The following STON2 variants were observed in gnomAD, a reference collection of about 807,000 sequenced individuals.
STON2 encodes the protein stonin 2.
STON2 carries 29 observed loss-of-function variants against 65.7 expected under a neutral mutation model. That is an observed-to-expected ratio of 0.44 (90% CI 0.33 to 0.60). The LOEUF (loss-of-function observed/expected upper bound fraction) is 0.60, where lower values mean the gene tolerates loss of function less well. Among genes scored for constraint, STON2 ranks in the 20% least tolerant of loss-of-function variants. The probability of loss-of-function intolerance (pLI) is 0.03; values close to 1 mark genes in which losing one functional copy is unlikely to be tolerated. For missense variants in STON2, 1,054 were observed against 1,118.1 expected, an observed-to-expected ratio of 0.94 and a Z score of 0.82; for synonymous variants, 404 against 414.2, an observed-to-expected ratio of 0.98 and a Z score of 0.30.
In STON2 at chr14:81,264,706, A is replaced by T. The variant is rs1894288539; in HGVS notation, c.*3708T>A. 3 of 985,298 alleles carry T rather than the reference A, an allele frequency of 3.0e-6. No individual in the cohort carries two copies. The South Asian group carries it at 1.4e-4, about 46-fold the overall frequency. 61.0% of individuals were successfully genotyped at this position (985,298 alleles called of 1,614,324 possible). On this transcript the variant is annotated 3_prime_UTR_variant, in exon 8 of 8. Transcript: ENST00000614646. ...GTTCTCAAGGATTATGAACCCTGCC[A>T]ATAATGCAGGAAGGCACAGTAAGGG...
At chr14:81,306,171 A>C (rs11846610) in intron 5 of STON2, among the ~76,000 whole-genome samples, 41,547 of 90,854 alleles carry the variant, frequency 0.46, 6,785 homozygotes, top group East Asian at 0.55. Flanking sequence ...CTCTCTCTAT[A>C]TATATATATA....
intron 2 of STON2, among the ~76,000 whole-genome samples, chr14:81,413,658 T>C (rs1901279521): frequency 7.2e-6 from 1 of 138,136 alleles, no homozygotes; most frequent in South Asian, 2.4e-4. Context: ...TAGCCTGGCA[T>C]GGTGGCGTTT....
Position 81,282,516 on chromosome 14 carries a change from C to T in STON2, c.743-3777G>A, listed in dbSNP as rs144351512. Among the ~76,000 whole-genome samples the T allele has an allele frequency of 9.6e-3, 1,462 of 152,236 alleles. 27 individuals carry two copies. The highest frequency in any genetic ancestry group is 0.034 in the African/African-American group (1,407 of 41,530). ...GCTGTTCTTAGTACTACTGCTACTA[C>T]TACTACTACTACTAGAATGATAATG... On this transcript the variant is annotated intron_variant, in intron 5 of 7. Transcript: ENST00000614646.
intron 2 of STON2, among the ~76,000 whole-genome samples, chr14:81,397,102 G>A (rs541422721): frequency 6.6e-6 from 1 of 152,208 alleles, no homozygotes; most frequent in East Asian, 1.9e-4. Context: ...GATTATGGTG[G>A]TAGATACACA....
chr14:81,291,858 T>TAC (rs59366676), intron 5 of STON2, among the ~76,000 whole-genome samples: 16,665 of 137,632 alleles, frequency 0.12, 1,036 homozygotes, highest in Middle Eastern at 0.16. Context: ...TTAGCATGGG[T>TAC]ACACACACAC....
rs1042327914 is a variant in STON2, at chr14:81,413,261, C to T, written c.-199+13841G>A. On this transcript the variant is annotated intron_variant, in intron 2 of 8. Coordinates refer to the STON2 transcript ENST00000553821. ...TTAAAAGCATGGACTGTGCCACCCA[C>T]CAGTGGTCCATCCAAAAACAAGGAC... 4.1e-5 allele frequency: 61 copies of T among 1,500,980 alleles called. 4 individuals carry two copies. The highest frequency in any genetic ancestry group is 5.3e-5 in the Non-Finnish European group (60 of 1,136,906). 93.0% of individuals were successfully genotyped at this position (1,500,980 alleles called of 1,614,324 possible).
intron 1 of STON2, among the ~76,000 whole-genome samples, chr14:81,432,056 T>C (rs892245094): frequency 6.6e-6 from 1 of 152,204 alleles, no homozygotes; most frequent in African/African-American, 2.4e-5. Context: ...AGCCAGCACT[T>C]AGAATGGTGA....
chr14:81,431,777 C>CAAA (rs1206683311), intron 1 of STON2, among the ~76,000 whole-genome samples: 1 of 108,596 alleles, frequency 9.2e-6, no homozygotes, highest in Non-Finnish European at 2.0e-5. Context: ...AACTCTGTCT[C>CAAA]AAAAAAAAAA....
At chr14:81,325,033 C>T (rs1410301010) in intron 4 of STON2, among the ~76,000 whole-genome samples, 1 of 152,122 alleles carries the variant, frequency 6.6e-6, no homozygotes, top group East Asian at 1.9e-4. Flanking sequence ...TCATGCTGGG[C>T]CAGCTAGTGA....
intron 7 of STON2, chr14:81,269,730 T>C (rs1009458232): frequency 2.6e-5 from 26 of 985,104 alleles, no homozygotes; most frequent in Non-Finnish European, 3.1e-5. Context: ...GAAAACCACT[T>C]TGCAAAATCC....
intron 3 of STON2, among the ~76,000 whole-genome samples, chr14:81,383,504 A>T (rs538722005): frequency 3.9e-4 from 59 of 152,306 alleles, no homozygotes; most frequent in Middle Eastern, 3.4e-3. Flanking sequence ...CCTCCAAACC[A>T]GCCCCTGCAT....
rs1894307059 is a variant in STON2 at position 81,265,150 on chromosome 14, A to G, written c.*3264T>C. On this transcript the variant is annotated 3_prime_UTR_variant, in exon 8 of 8. Transcript: ENST00000614646. ...CTGCATATCCACAGGTAATTTGCCC[A>G]ACTGTTTTCTATGTAGGTTATTACA... The G allele has an allele frequency of 1.0e-6, 1 of 984,722 alleles. No homozygotes were observed. The highest frequency in any genetic ancestry group is 1.2e-6 in the Non-Finnish European group (1 of 829,880). 61.0% of individuals were successfully genotyped at this position (984,722 alleles called of 1,614,324 possible). A position where few individuals can be genotyped will look rare whatever the true frequency, so the allele number is the denominator to read the frequency against.
At chr14:81,391,598 T>C (rs182373089) in intron 3 of STON2, among the ~76,000 whole-genome samples, 51 of 152,368 alleles carry the variant, frequency 3.3e-4, no homozygotes, top group African/African-American at 1.2e-3. Flanking sequence ...AGGAATGTAC[T>C]CTGCAGCTTT....
intron 4 of STON2, among the ~76,000 whole-genome samples, chr14:81,353,022 T>C (rs530805874): frequency 6.6e-6 from 1 of 152,204 alleles, no homozygotes; most frequent in African/African-American, 2.4e-5. Context: ...AATATGGCTA[T>C]TTTGGTCAAA....
At chr14:81,407,078 C>G (rs1163811340) in intron 2 of STON2, among the ~76,000 whole-genome samples, 2 of 152,184 alleles carry the variant, frequency 1.3e-5, no homozygotes, top group African/African-American at 4.8e-5. Context: ...TCAGGCTCAC[C>G]TCAGGATAGA....
At chr14:81,298,761 G>C (rs998840503) in intron 5 of STON2, among the ~76,000 whole-genome samples, 10 of 152,100 alleles carry the variant, frequency 6.6e-5, no homozygotes, top group African/African-American at 2.4e-4. Context: ...ACCACGAAAT[G>C]GTTTGTGAAT....
At position 81,277,895 on chromosome 14, in the gene STON2, A is replaced by T; in HGVS notation, c.1587T>A (p.Arg529=). Reference sequence around the variant, plus strand: ...CATGACAGATCTCCAGCTTGAACTCACGGAATGGTTTTTCTAGGCCCTGCT... The same window carrying T: ...CATGACAGATCTCCAGCTTGAACTCTCGGAATGGTTTTTCTAGGCCCTGCT... The part of the protein sequence containing the change: ...YYEQGLEKPF[R]EFKLEICHEI... Residue 529 remains arginine (R), a synonymous_variant, in exon 6 of 8, where the codon CGT becomes CGA. Transcript: ENST00000614646. 6.2e-7 allele frequency: 1 copy of T among 1,614,150 alleles called. No individual in the cohort carries two copies. Among genetic ancestry groups the T allele is most frequent in the Admixed American group, 1.7e-5 (1 of 60,024 alleles).
chr14:81,306,076 C>T (rs1156255689), intron 5 of STON2, among the ~76,000 whole-genome samples: 1 of 151,338 alleles, frequency 6.6e-6, no homozygotes, highest in African/African-American at 2.4e-5. Flanking sequence ...GTGAGCAGCC[C>T]CCACCCTCAA....
intron 3 of STON2, among the ~76,000 whole-genome samples, chr14:81,392,234 C>T (rs1370228033): frequency 6.6e-6 from 1 of 152,150 alleles, no homozygotes; most frequent in Non-Finnish European, 1.5e-5. Flanking sequence ...CCCAGAAAAA[C>T]TCCAACTGGC....
Sources: allele counts gnomAD v4.1 joint callset (sites outside exome capture counted in the v4.1 genomes callset), GRCh38; gene constraint gnomAD v4.1.1; transcripts MANE v1.5; gene names NCBI Gene and HGNC (gene_info 2026-07-23, HGNC 2026-07-21).